RASSF9: variants seen among roughly 807,000 people sequenced by gnomAD.
The protein encoded by RASSF9 is Ras association domain family member 9.
Under a neutral mutation model 21.4 loss-of-function variants are expected in RASSF9, and 18 were observed. The ratio of observed to expected loss-of-function variants is 0.84; its 90% confidence interval spans 0.58 to 1.25. The LOEUF (loss-of-function observed/expected upper bound fraction) is 1.25, where lower values mean the gene tolerates loss of function less well. Among genes scored for constraint, RASSF9 ranks in the 50% most tolerant of loss-of-function variants. RASSF9 has a pLI of 0.00. For synonymous variants in RASSF9, 183 were observed against 179.1 expected, an observed-to-expected ratio of 1.02 and a Z score of -0.18; for missense variants, 480 against 503.2, an observed-to-expected ratio of 0.95 and a Z score of 0.44.
chr12:85,810,045 T>C (rs1879919004), intron 1 of RASSF9, among the ~76,000 whole-genome samples: 1 of 152,012 alleles, frequency 6.6e-6, no homozygotes, highest in African/African-American at 2.4e-5. Flanking sequence ...AACAGAACAA[T>C]TTTTAAAACT....
chr12:85,823,628 T>C (rs1434756539), intron 1 of RASSF9, among the ~76,000 whole-genome samples: 4 of 152,230 alleles, frequency 2.6e-5, no homozygotes, highest in Admixed American at 6.5e-5. Flanking sequence ...AAACCATGTT[T>C]GCATGTTCTG....
intron 1 of RASSF9, among the ~76,000 whole-genome samples, chr12:85,820,095 G>A (rs1036970325): frequency 1.3e-5 from 2 of 152,138 alleles, no homozygotes; most frequent in African/African-American, 4.8e-5. Context: ...ACCAGTTTTT[G>A]TATGGTTCAT....
chr12:85,805,829 C>T lies in RASSF9; in HGVS notation c.181G>A (p.Glu61Lys). 6.2e-7 allele frequency: 1 copy of T among 1,613,970 alleles called. No homozygotes were observed. Among genetic ancestry groups the T allele is most frequent in the Non-Finnish European group, 8.5e-7 (1 of 1,179,896 alleles). Residue 61 changes from glutamate to lysine, a missense_variant, in exon 2 of 2, where the codon GAG becomes AAG. Glu to Lys is a moderately conservative substitution (Grantham distance 56). Transcript: ENST00000361228. ...DVIQALLEEH[E>K]ATFGEKRFLL... ...AATCGTTTCTCTCCAAACGTAGCCT[C>T]ATGTTCCTCAAGCAAAGCCTGGATG...
chr12:85,832,723 CA>C (rs1307396398), intron 1 of RASSF9, among the ~76,000 whole-genome samples: 6 of 151,854 alleles, frequency 4.0e-5, no homozygotes, highest in Admixed American at 3.9e-4. Context: ...GACTCTCAAA[CA>C]TTTGTATTCT....
At chr12:85,834,320 A>G (rs1447863845) in intron 1 of RASSF9, among the ~76,000 whole-genome samples, 1 of 152,066 alleles carries the variant, frequency 6.6e-6, no homozygotes, top group African/African-American at 2.4e-5. Context: ...GAGCCATTCC[A>G]TTTTCTGAGA....
At chr12:85,835,151 CTT>C (rs1289105140) in intron 1 of RASSF9, among the ~76,000 whole-genome samples, 4 of 152,064 alleles carry the variant, frequency 2.6e-5, no homozygotes, top group Non-Finnish European at 5.9e-5. Context: ...CATGTAGACA[CTT>C]TAAAATAATT....
chr12:85,807,506 T>G (rs761902964), intron 1 of RASSF9, among the ~76,000 whole-genome samples: 1 of 151,802 alleles, frequency 6.6e-6, no homozygotes, highest in African/African-American at 2.4e-5. Context: ...TAGAAAAAAA[T>G]AGAAGCAAGA....
intron 1 of RASSF9, among the ~76,000 whole-genome samples, chr12:85,822,934 C>T (rs930460141): frequency 6.6e-6 from 1 of 152,150 alleles, no homozygotes; most frequent in Non-Finnish European, 1.5e-5. Context: ...GGCACGGTGG[C>T]TCACGCCTGT....
intron 1 of RASSF9, among the ~76,000 whole-genome samples, chr12:85,819,288 C>T (rs1389250016): frequency 3.3e-5 from 5 of 151,908 alleles, no homozygotes; most frequent in Admixed American, 3.3e-4. Context: ...ATCCTCATGC[C>T]TCAGCCTCCC....
chr12:85,826,589 A>T (rs1880338775), intron 1 of RASSF9, among the ~76,000 whole-genome samples: 1 of 138,132 alleles, frequency 7.2e-6, no homozygotes. Context: ...CTGGGATTAC[A>T]GGCACCTGCC....
At position 85,805,001 on chromosome 12, in the gene RASSF9, T is replaced by G. The variant is rs1292921750; in HGVS notation, c.1009A>C (p.Ser337Arg). ...TATTTAATCTCTTTCTGGATGCCAC[T>G]CAAATGAGAGTGAATTTTCAAACCA... ...KAGLKIHSHL[S>R]GIQKEIKYSD... is the part of the protein sequence containing the mutation. The change falls in exon 2 of 2, where the codon AGT (serine) becomes CGT (arginine). Residue 337 changes from serine to arginine, a missense_variant. Physicochemically the swap from Ser to Arg is moderately radical, Grantham distance 110. Coordinates refer to ENST00000361228, the MANE Select transcript of RASSF9 (RefSeq NM_005447.4). The G allele has an allele frequency of 6.2e-7, 1 of 1,613,826 alleles. No individual in the cohort carries two copies. Among genetic ancestry groups the G allele is most frequent in the Non-Finnish European group, 8.5e-7 (1 of 1,179,828 alleles).
At position 85,802,284 on chromosome 12, in the gene RASSF9, TC is replaced by T. The variant is rs1367215546; in HGVS notation, c.*2417del. Reference sequence around the variant, plus strand: ...TAATTTAATAACAAATAGTTCAGTATCCAGACATGAGGGCATTGTATTTCAG... The same window carrying T: ...TAATTTAATAACAAATAGTTCAGTATCAGACATGAGGGCATTGTATTTCAG... On this transcript the variant is annotated 3_prime_UTR_variant, in exon 2 of 2. Coordinates refer to ENST00000361228, the MANE Select transcript of RASSF9 (RefSeq NM_005447.4). 6.6e-6 allele frequency: 1 copy of T among 152,190 alleles called. No homozygotes were observed. The highest frequency in any genetic ancestry group is 2.4e-5 in the African/African-American group (1 of 41,446). The allele number at this position is 152,190 out of a possible 1,614,324, so 9.4% of individuals were successfully genotyped here.
At chr12:85,811,932 G>A (rs1355970338) in intron 1 of RASSF9, among the ~76,000 whole-genome samples, 2 of 151,724 alleles carry the variant, frequency 1.3e-5, no homozygotes, top group African/African-American at 2.4e-5. Flanking sequence ...TAAAACTTAA[G>A]AAGTTGTACA....
At position 85,805,770 on chromosome 12, in the gene RASSF9, T is replaced by C; in HGVS notation, c.240A>G (p.Ile80Met). 6.2e-7 allele frequency: 1 copy of C among 1,613,904 alleles called. No individual in the cohort carries two copies. The highest frequency in any genetic ancestry group is 1.1e-5 in the South Asian group (1 of 91,088). Reference protein sequence around the residue: ...LLGKPSDYCIIEKWRGSERVL... With the variant: ...LLGKPSDYCIMEKWRGSERVL... Reference sequence around the variant, plus strand: ...CCCTTTCGGAGCCTCTCCACTTCTCTATGATGCAGTAATCACTGGGCTTCC... The same window carrying C: ...CCCTTTCGGAGCCTCTCCACTTCTCCATGATGCAGTAATCACTGGGCTTCC... Residue 80 changes from isoleucine to methionine, a missense_variant, in exon 2 of 2, where the codon ATA becomes ATG. Ile to Met is a conservative substitution (Grantham distance 10). Transcript: ENST00000361228.
chr12:85,808,354 C>T (rs576438156), intron 1 of RASSF9, among the ~76,000 whole-genome samples: 1 of 152,146 alleles, frequency 6.6e-6, no homozygotes, highest in South Asian at 2.1e-4. Context: ...CAAAAAATCA[C>T]ACCAAGTTGT....
At position 85,802,386 on chromosome 12, in the gene RASSF9, A is replaced by G. The variant is rs576979570; in HGVS notation, c.*2316T>C. 1 of 152,298 alleles carries G rather than the reference A, an allele frequency of 6.6e-6. No homozygotes were observed. Among genetic ancestry groups the G allele is most frequent in the East Asian group, 1.9e-4 (1 of 5,182 alleles). The allele number at this position is 152,298 out of a possible 1,614,324, so 9.4% of individuals were successfully genotyped here. A position where few individuals can be genotyped will look rare whatever the true frequency, so the allele number is the denominator to read the frequency against. ...CACCATGGTAGCTGATGAAGGATTA[A>G]AACTTAATGATTGTAGTGATCAAAC... On this transcript the variant is annotated 3_prime_UTR_variant, in exon 2 of 2. Coordinates refer to ENST00000361228, the MANE Select transcript of RASSF9 (RefSeq NM_005447.4).
intron 1 of RASSF9, among the ~76,000 whole-genome samples, chr12:85,808,672 G>T (rs1879886784): frequency 6.6e-6 from 1 of 151,888 alleles, no homozygotes; most frequent in Admixed American, 6.6e-5. Flanking sequence ...TTAATTATGT[G>T]CATGCAATAT....
chr12:85,821,831 A>G (rs1205582972), intron 1 of RASSF9, among the ~76,000 whole-genome samples: 1 of 152,166 alleles, frequency 6.6e-6, no homozygotes, highest in Non-Finnish European at 1.5e-5. Context: ...GGGTAAAGGG[A>G]AGAGAATGTG....
intron 1 of RASSF9, among the ~76,000 whole-genome samples, chr12:85,826,505 T>C (rs559875391): frequency 1.7e-4 from 26 of 150,630 alleles, no homozygotes; most frequent in African/African-American, 4.9e-5. Context: ...TAGAGTGCAG[T>C]GGCACGATTT....
Sources: allele counts gnomAD v4.1 joint callset (sites outside exome capture counted in the v4.1 genomes callset), GRCh38; gene constraint gnomAD v4.1.1; transcripts MANE v1.5; gene names NCBI Gene and HGNC (gene_info 2026-07-23, HGNC 2026-07-21).